Variants in CSMD3 observed in about 807,000 individuals in gnomAD.
CSMD3 encodes the protein CUB and sushi domain-containing protein 3.
CSMD3 carries 177 observed loss-of-function variants against 435.2 expected under a neutral mutation model. The ratio of observed to expected loss-of-function variants is 0.41; its 90% confidence interval spans 0.36 to 0.46. CSMD3 has a LOEUF of 0.46. CSMD3 is among the 20% of genes least tolerant of loss of function. The pLI is 0.34. For synonymous variants in CSMD3, 1,656 were observed against 1,520.5 expected (o/e 1.09, Z -2.07); for missense variants, 4,265 against 4,504.6 (o/e 0.95, Z 1.52).
chr8:112,985,402 T>C (rs1237549546), intron 6 of CSMD3, among the ~76,000 whole-genome samples: 1 of 151,690 alleles, frequency 6.6e-6, no homozygotes, highest in African/African-American at 2.4e-5. Flanking sequence ...CCAAAACACT[T>C]CAACTTAACT....
chr8:112,228,635 G>A, intron 70 of CSMD3, 121 bp downstream of exon 70: 4 of 992,320 alleles, frequency 4.0e-6, no homozygotes, highest in Non-Finnish European at 6.2e-6. Context: ...ACAATAGTTA[G>A]CACACAGACA....
chr8:112,294,029 T>C (rs942561981), intron 54 of CSMD3, among the ~76,000 whole-genome samples: 1 of 151,932 alleles, frequency 6.6e-6, no homozygotes, highest in South Asian at 2.1e-4. Flanking sequence ...AAAGAACATA[T>C]CCAGGGCAGA....
chr8:112,595,666 C>T (rs1831631912), intron 22 of CSMD3, among the ~76,000 whole-genome samples: 5 of 76,978 alleles, frequency 6.5e-5, no homozygotes, highest in South Asian at 4.9e-4. Context: ...CAGCGGATCT[C>T]TCGGCAGAAA....
rs200619509 is a variant in CSMD3, at chr8:112,380,470, T to A, written c.6032-14A>T. The A allele has an allele frequency of 3.1e-4, 409 of 1,322,394 alleles. No homozygotes were observed. The African/African-American group carries it at 3.9e-3, about 13-fold the overall frequency. The allele number at this position is 1,322,394 out of a possible 1,614,324, so 81.9% of individuals were successfully genotyped here. On this transcript the variant is annotated splice_polypyrimidine_tract_variant and intron_variant, in intron 37 of 70. Coordinates refer to ENST00000297405, the MANE Select transcript of CSMD3 (RefSeq NM_198123.2). ...GTATTGTTGTTCCTGAAATGATATATGAGAAGGCAAGACAATGACCACATA... is the reference window on the plus strand; with the variant it reads ...GTATTGTTGTTCCTGAAATGATATAAGAGAAGGCAAGACAATGACCACATA...
intron 53 of CSMD3, among the ~76,000 whole-genome samples, chr8:112,298,488 C>T (rs1820562131): frequency 6.6e-6 from 1 of 152,002 alleles, no homozygotes; most frequent in South Asian, 2.1e-4. Context: ...AAATGATAGA[C>T]TTTACCAAAC....
chr8:112,625,750 TG>T (rs565923492), intron 22 of CSMD3, among the ~76,000 whole-genome samples: 368 of 152,210 alleles, frequency 2.4e-3, no homozygotes, highest in African/African-American at 8.2e-3. Flanking sequence ...AAAAGTAGTT[TG>T]GGGGAGGTAA....
chr8:113,318,412 A>G (rs897940981), intron 1 of CSMD3, among the ~76,000 whole-genome samples: 1 of 152,174 alleles, frequency 6.6e-6, no homozygotes, highest in East Asian at 1.9e-4. Flanking sequence ...ATCATCTCAC[A>G]TAGTTACTTT....
chr8:112,502,094 G>A (rs898874398), intron 30 of CSMD3, among the ~76,000 whole-genome samples: 1 of 152,178 alleles, frequency 6.6e-6, no homozygotes, highest in African/African-American at 2.4e-5. Context: ...GACCTTGAAT[G>A]CTCATTATGG....
chr8:112,528,509 T>C (rs969511794), intron 27 of CSMD3, among the ~76,000 whole-genome samples: 2 of 151,976 alleles, frequency 1.3e-5, no homozygotes, highest in African/African-American at 4.8e-5. Flanking sequence ...CAGTGATAAA[T>C]TGAATACCAA....
At chr8:112,520,428 A>G (rs1371378043) in intron 27 of CSMD3, among the ~76,000 whole-genome samples, 2 of 152,030 alleles carry the variant, frequency 1.3e-5, no homozygotes, top group Non-Finnish European at 2.9e-5. Context: ...CTTAACCATT[A>G]TAGTGTGTTG....
At chr8:112,369,406 A>G (rs536530779) in intron 38 of CSMD3, among the ~76,000 whole-genome samples, 1 of 152,246 alleles carries the variant, frequency 6.6e-6, no homozygotes, top group Non-Finnish European at 1.5e-5. Flanking sequence ...AATTAACAAA[A>G]GAACATATTA....
intron 24 of CSMD3, among the ~76,000 whole-genome samples, chr8:112,568,294 CT>C (rs1162564253): frequency 6.6e-6 from 1 of 151,996 alleles, no homozygotes; most frequent in Non-Finnish European, 1.5e-5. Flanking sequence ...ATTTAATTTG[CT>C]TTAGAAAAAG....
intron 27 of CSMD3, among the ~76,000 whole-genome samples, chr8:112,517,909 T>G (rs571848368): frequency 1.8e-4 from 28 of 152,290 alleles, no homozygotes; most frequent in South Asian, 6.2e-4. Context: ...AATTGCACTC[T>G]TGAACATTTA....
At chr8:113,424,927 T>A (rs979080377) in intron 1 of CSMD3, among the ~76,000 whole-genome samples, 2 of 151,536 alleles carry the variant, frequency 1.3e-5, no homozygotes, top group African/African-American at 4.8e-5. Flanking sequence ...GAAAATCCCA[T>A]TGAAGAGCTA....
intron 10 of CSMD3, among the ~76,000 whole-genome samples, chr8:112,883,181 A>G (rs1377607363): frequency 6.6e-6 from 1 of 151,978 alleles, no homozygotes; most frequent in Non-Finnish European, 1.5e-5. Context: ...CCAATTTTTC[A>G]AAGAGAAACT....
intron 10 of CSMD3, among the ~76,000 whole-genome samples, chr8:112,880,893 T>G (rs2081428937): frequency 6.6e-6 from 1 of 152,022 alleles, no homozygotes; most frequent in Admixed American, 6.6e-5. Flanking sequence ...TCTTATAACT[T>G]TTCTCATATA....
chr8:113,202,544 C>T (rs1198850904), intron 3 of CSMD3, among the ~76,000 whole-genome samples: 1 of 152,080 alleles, frequency 6.6e-6, no homozygotes, highest in Non-Finnish European at 1.5e-5. Context: ...ATGCCATTGA[C>T]ATATGATTGT....
intron 22 of CSMD3, among the ~76,000 whole-genome samples, chr8:112,612,410 C>T (rs765239479): frequency 9.2e-5 from 14 of 152,060 alleles, no homozygotes; most frequent in South Asian, 2.1e-4. Context: ...TTTGCATTCT[C>T]GTCTTGTATC....
At chr8:113,041,775 A>G (rs1487022313) in intron 5 of CSMD3, among the ~76,000 whole-genome samples, 2 of 152,024 alleles carry the variant, frequency 1.3e-5, no homozygotes, top group Admixed American at 6.6e-5. Flanking sequence ...GCCTTTTTCT[A>G]TTCAGAAATT....
Sources: allele counts gnomAD v4.1 joint callset (sites outside exome capture counted in the v4.1 genomes callset), GRCh38; gene constraint gnomAD v4.1.1; transcripts MANE v1.5; gene names NCBI Gene and HGNC (gene_info 2026-07-23, HGNC 2026-07-21).